The following ARHGEF7 variants were observed in gnomAD, a reference collection of about 807,000 sequenced individuals.
The protein encoded by ARHGEF7 is Rho guanine nucleotide exchange factor 7.
In ARHGEF7, 33 loss-of-function variants were observed where a neutral mutation model predicts 109.8. The observed-to-expected ratio is 0.30, with a 90% CI of 0.23 to 0.40. ARHGEF7 has a LOEUF of 0.40. Ranked by LOEUF, ARHGEF7 falls within the 10% of genes least tolerant of loss-of-function variation. The probability of loss-of-function intolerance (pLI) is 1.00; values close to 1 mark genes in which losing one functional copy is unlikely to be tolerated. For synonymous variants in ARHGEF7, 458 were observed against 424.6 expected (o/e 1.08, Z -0.97); for missense variants, 938 against 1,098.5 (o/e 0.85, Z 2.07).
At chr13:111,294,188 A>G (rs1655416398) in intron 19 of ARHGEF7, 2 of 985,306 alleles carry the variant, frequency 2.0e-6, no homozygotes. Context: ...TAAGATAACT[A>G]CAAAGTTTCT....
intron 6 of ARHGEF7, among the ~76,000 whole-genome samples, chr13:111,240,373 C>CT (rs201566301): frequency 0.018 from 2,700 of 152,282 alleles, 69 homozygotes; most frequent in African/African-American, 0.06. Flanking sequence ...TCTCTCCAAA[C>CT]TTTTTTTGAG....
chr13:111,153,745 G>C (rs988170577), intron 1 of ARHGEF7, 160 bp from the exon 2 acceptor site: 1 of 1,340,802 alleles, frequency 7.5e-7, no homozygotes, highest in Non-Finnish European at 9.5e-7. Context: ...GCGGCTGAGC[G>C]GGTTGGCATC....
rs1595672338 is a variant in ARHGEF7, at chr13:111,305,210, A to G, written c.*2097A>G. ...TGCCTTTTCTTTCTGTGGATCCAGTATCTTCCTCGGCTTTTTAGGGAGCAG... is the reference window on the plus strand; with the variant it reads ...TGCCTTTTCTTTCTGTGGATCCAGTGTCTTCCTCGGCTTTTTAGGGAGCAG... On this transcript the variant is annotated 3_prime_UTR_variant, in exon 22 of 22. Coordinates refer to ENST00000646102, the MANE Select transcript of ARHGEF7 (RefSeq NM_001354046.2). 6.6e-6 allele frequency: 1 copy of G among 152,230 alleles called. No individual in the cohort carries two copies. Among genetic ancestry groups the G allele is most frequent in the Admixed American group, 6.5e-5 (1 of 15,290 alleles). The allele number at this position is 152,230 out of a possible 1,614,324, so 9.4% of individuals were successfully genotyped here. A position where few individuals can be genotyped will look rare whatever the true frequency, so the allele number is the denominator to read the frequency against.
intron 2 of ARHGEF7, among the ~76,000 whole-genome samples, chr13:111,176,181 C>G (rs1462168333): frequency 1.3e-5 from 2 of 152,206 alleles, no homozygotes; most frequent in Admixed American, 6.5e-5. Context: ...GAGCCCCCTT[C>G]TGTAGGTTGA....
chr13:111,249,387 A>G (rs1184886062), intron 8 of ARHGEF7, among the ~76,000 whole-genome samples: 1 of 151,950 alleles, frequency 6.6e-6, no homozygotes, highest in East Asian at 1.9e-4. Context: ...TAACAGGAGC[A>G]TTTGTGCTTT....
intron 1 of ARHGEF7, among the ~76,000 whole-genome samples, chr13:111,128,090 T>C (rs566310196): frequency 6.6e-6 from 1 of 152,296 alleles, no homozygotes; most frequent in South Asian, 2.1e-4. Context: ...CATGAAAACC[T>C]ACAGCCTATG....
intron 16 of ARHGEF7, 175 bp downstream of exon 16, chr13:111,283,538 G>A (rs2092883562): frequency 2.7e-6 from 2 of 729,364 alleles, no homozygotes; most frequent in Non-Finnish European, 3.4e-6. Flanking sequence ...TGAGAGGCCC[G>A]TGGTAACCTG....
At chr13:111,257,699 T>C (rs1405634170) in intron 8 of ARHGEF7, among the ~76,000 whole-genome samples, 1 of 152,238 alleles carries the variant, frequency 6.6e-6, no homozygotes, top group Non-Finnish European at 1.5e-5. Flanking sequence ...AAAGACAGTC[T>C]TAAATTGCTG....
chr13:111,122,755 G>A (rs2067278690), intron 1 of ARHGEF7: 1 of 152,244 alleles, frequency 6.6e-6, no homozygotes, highest in South Asian at 2.1e-4. Flanking sequence ...AGAAATGCTA[G>A]GATCTTGGGT....
intron 6 of ARHGEF7, chr13:111,241,472 T>A: frequency 1.1e-6 from 1 of 878,994 alleles, no homozygotes; most frequent in Non-Finnish European, 1.7e-6. Flanking sequence ...TAACTTGCAT[T>A]GTTTGGTTGG....
chr13:111,278,595 G>A (rs956612475), intron 13 of ARHGEF7, among the ~76,000 whole-genome samples: 2 of 152,160 alleles, frequency 1.3e-5, no homozygotes, highest in Non-Finnish European at 2.9e-5. Flanking sequence ...CACATATGTA[G>A]GAACAGACTC....
intron 12 of ARHGEF7, 103 bp from the exon 13 acceptor site, chr13:111,277,484 T>G: frequency 1.5e-6 from 1 of 682,972 alleles, no homozygotes; most frequent in South Asian, 1.8e-5. Flanking sequence ...AAATATCATG[T>G]AATGTTTCAT....
rs748383971 is a variant in ARHGEF7 at position 111,217,688 on chromosome 13, G to A, written c.478G>A (p.Asp160Asn). 18 of 1,613,792 alleles carry A rather than the reference G, an allele frequency of 1.1e-5. 1 individual carries two copies. The East Asian group carries it at 3.1e-4, about 28-fold the overall frequency. ...CTTCTTCCCCTTTTAGGACATGACC[G>A]ATAATAGCAACAATCAACTGGTAGT... Reference protein sequence around the residue: ...QGQYRSLDMTDNSNNQLVVRA... With the variant: ...QGQYRSLDMTNNSNNQLVVRA... Residue 160 changes from aspartate to asparagine, a missense_variant, in exon 5 of 22, where the codon GAT (aspartate) becomes AAT (asparagine). Around this residue, in one of 4 missense-constraint regions of ARHGEF7, gnomAD observed 585 missense variants for 723.6 expected, o/e 0.81. Coordinates refer to ENST00000646102, the MANE Select transcript of ARHGEF7 (RefSeq NM_001354046.2).
At chr13:111,207,553 A>C (rs913168527) in intron 3 of ARHGEF7, among the ~76,000 whole-genome samples, 1 of 152,226 alleles carries the variant, frequency 6.6e-6, no homozygotes, top group African/African-American at 2.4e-5. Context: ...GTAATCCTTA[A>C]TTTGACTCTG....
At chr13:111,219,733 G>A (rs78320908) in intron 5 of ARHGEF7, among the ~76,000 whole-genome samples, 2,885 of 152,154 alleles carry the variant, frequency 0.019, 100 homozygotes, top group African/African-American at 0.066. Context: ...AATTTAAAAG[G>A]CAGTATTTTT....
At chr13:111,187,069 C>T in intron 2 of ARHGEF7, 1 of 955,304 alleles carries the variant, frequency 1.0e-6, no homozygotes, top group South Asian at 4.8e-5. Flanking sequence ...AGCAGTTGGG[C>T]TGGAATAGAG....
intron 1 of ARHGEF7, among the ~76,000 whole-genome samples, chr13:111,142,066 T>C (rs150373172): frequency 6.6e-6 from 1 of 152,240 alleles, no homozygotes; most frequent in Non-Finnish European, 1.5e-5. Context: ...TACATTTCTT[T>C]TATAATATAT....
intron 5 of ARHGEF7, among the ~76,000 whole-genome samples, chr13:111,222,604 A>G (rs1180201929): frequency 2.0e-5 from 3 of 151,896 alleles, no homozygotes; most frequent in Admixed American, 1.3e-4. Context: ...TAATTTTTGT[A>G]TTTTTAGTAG....
intron 2 of ARHGEF7, among the ~76,000 whole-genome samples, chr13:111,167,379 G>C (rs1192970063): frequency 6.6e-6 from 1 of 152,104 alleles, no homozygotes; most frequent in Non-Finnish European, 1.5e-5. Context: ...CAGTCCTCCC[G>C]CACTCTCCTT....
Sources: allele counts gnomAD v4.1 joint callset (sites outside exome capture counted in the v4.1 genomes callset), GRCh38; gene constraint gnomAD v4.1.1; regional missense constraint gnomAD v4.1.1; transcripts MANE v1.5; gene names NCBI Gene and HGNC (gene_info 2026-07-23, HGNC 2026-07-21).